SMIM39: variants seen among roughly 807,000 people sequenced by gnomAD.
The protein encoded by SMIM39 is small integral membrane protein 39.
Under a neutral mutation model 0.7 loss-of-function variants are expected in SMIM39, and 1 was observed. The ratio of observed to expected loss-of-function variants is 1.34; its 90% CI spans 0.48 to 6.38. The LOEUF (loss-of-function observed/expected upper bound fraction) is 6.38, where lower values mean the gene tolerates loss of function less well. SMIM39 is among the 30% of genes most tolerant of loss of function. The pLI is 0.14. For missense variants in SMIM39, 68 were observed against 75.7 expected (o/e 0.90, Z 0.38); for synonymous variants, 31 against 41.7 (o/e 0.74, Z 0.99).
chr2:131,035,244 C>A, exon 1 of SMIM39: 1 of 1,224,604 alleles, frequency 8.2e-7, no homozygotes, highest in Non-Finnish European at 1.0e-6. Flanking sequence ...TACTGATCTT[C>A]CTGCTGGCCT....
chr2:131,035,170 C>T (rs1573679242), exon 1 of SMIM39: 13 of 1,217,658 alleles, frequency 1.1e-5, no homozygotes, highest in Non-Finnish European at 1.2e-5. Context: ...CTGCAACCTG[C>T]CCCCCGGCGC....
exon 1 of SMIM39, chr2:131,035,241 C>G: frequency 8.2e-7 from 1 of 1,224,738 alleles, no homozygotes; most frequent in Non-Finnish European, 1.0e-6. Flanking sequence ...TCGTACTGAT[C>G]TTCCTGCTGG....
chr2:131,035,124 C>G, exon 1 of SMIM39: 1 of 1,166,624 alleles, frequency 8.6e-7, no homozygotes, highest in Non-Finnish European at 1.1e-6. Context: ...GGCGCGGCCC[C>G]GCGGCGCCCG....
exon 1 of SMIM39, chr2:131,035,175 C>T (rs1690158104): frequency 3.3e-6 from 4 of 1,220,952 alleles, no homozygotes; most frequent in Admixed American, 4.3e-5. Flanking sequence ...ACCTGCCCCC[C>T]GGCGCCCAGC....
exon 1 of SMIM39, chr2:131,035,158 C>T (rs1663537038): frequency 2.5e-6 from 3 of 1,215,226 alleles, no homozygotes; most frequent in Non-Finnish European, 2.0e-6. Context: ...CGCCCTGCTG[C>T]GCTGCAACCT....
exon 1 of SMIM39, chr2:131,035,138 A>C: frequency 1.7e-6 from 2 of 1,191,942 alleles, no homozygotes; most frequent in Non-Finnish European, 2.1e-6. Context: ...GCGCCCGGGA[A>C]CGCCCTGCGC....
At chr2:131,035,155 C>G in exon 1 of SMIM39, 1 of 1,213,516 alleles carries the variant, frequency 8.2e-7, no homozygotes, top group Non-Finnish European at 1.0e-6. Context: ...GCGCGCCCTG[C>G]TGCGCTGCAA....
At chr2:131,035,114 G>A in exon 1 of SMIM39, 2 of 1,138,398 alleles carry the variant, frequency 1.8e-6, no homozygotes, top group Non-Finnish European at 1.1e-6. Context: ...CCGCAGCCCC[G>A]GCGCGGCCCC....
At chr2:131,035,169 G>A (rs1690155697) in exon 1 of SMIM39, 6 of 1,219,500 alleles carry the variant, frequency 4.9e-6, no homozygotes, top group Middle Eastern at 3.2e-4. Flanking sequence ...GCTGCAACCT[G>A]CCCCCCGGCG....
exon 1 of SMIM39, chr2:131,035,165 A>T: frequency 8.2e-7 from 1 of 1,217,606 alleles, no homozygotes; most frequent in South Asian, 4.1e-5. Flanking sequence ...CTGCGCTGCA[A>T]CCTGCCCCCC....
At chr2:131,035,092 A>C in exon 1 of SMIM39, 1 of 1,063,938 alleles carries the variant, frequency 9.4e-7, no homozygotes. Flanking sequence ...GCCGGGCGCC[A>C]TGGCGAGGGC....
exon 1 of SMIM39, chr2:131,035,203 G>A (rs1405606360): frequency 6.9e-5 from 85 of 1,223,966 alleles, no homozygotes; most frequent in Non-Finnish European, 8.5e-5. Context: ...GGTCTCCGCC[G>A]TGCTGGCGCT....
At chr2:131,035,155 C>A in exon 1 of SMIM39, 2 of 1,213,516 alleles carry the variant, frequency 1.6e-6, no homozygotes, top group Non-Finnish European at 2.0e-6. Context: ...GCGCGCCCTG[C>A]TGCGCTGCAA....
chr2:131,035,197 T>C (rs1011576518), exon 1 of SMIM39: 1 of 1,223,362 alleles, frequency 8.2e-7, no homozygotes, highest in Non-Finnish European at 1.0e-6. Context: ...CGTGGTGGTC[T>C]CCGCCGTGCT....
In SMIM39 at chr2:131,035,143, C is replaced by T. The variant is rs901936411; in HGVS notation, c.52C>T (p.Leu18=). The change falls in exon 1 of 1, where the codon CTG becomes TTG. Residue 18 remains leucine, a synonymous_variant. Coordinates refer to ENST00000635976, the Ensembl canonical transcript of SMIM39. ...CGGCCCCGCGGCGCCCGGGAACGCC[C>T]TGCGCGCCCTGCTGCGCTGCAACCT... 1.6e-4 allele frequency: 190 copies of T among 1,203,128 alleles called. 1 individual carries two copies. In the African/African-American group the frequency reaches 2.5e-3, roughly 16 times the overall value. 74.5% of individuals were successfully genotyped at this position (1,203,128 alleles called of 1,614,324 possible).
chr2:131,035,185 C>T, exon 1 of SMIM39: 1 of 1,221,824 alleles, frequency 8.2e-7, no homozygotes, highest in Non-Finnish European at 1.0e-6. Context: ...CGGCGCCCAG[C>T]GCGTGGTGGT....
exon 1 of SMIM39, chr2:131,035,142 C>T (rs1172368479): frequency 3.3e-6 from 4 of 1,201,780 alleles, no homozygotes; most frequent in Non-Finnish European, 4.1e-6. Context: ...CCGGGAACGC[C>T]CTGCGCGCCC....
exon 1 of SMIM39, chr2:131,035,175 C>A (rs1690158104): frequency 4.9e-6 from 6 of 1,220,846 alleles, no homozygotes; most frequent in Non-Finnish European, 6.1e-6. Flanking sequence ...ACCTGCCCCC[C>A]GGCGCCCAGC....
exon 1 of SMIM39, chr2:131,035,154 G>A: frequency 8.2e-7 from 1 of 1,212,888 alleles, no homozygotes; most frequent in African/African-American, 1.6e-5. Context: ...TGCGCGCCCT[G>A]CTGCGCTGCA....
Sources: gnomAD v4.1 joint callset for allele counts on GRCh38, gnomAD v4.1.1 for gene constraint, MANE v1.5 for transcripts, NCBI Gene and HGNC (gene_info 2026-07-23, HGNC 2026-07-21) for gene names.